ROBO2: variants seen among roughly 807,000 people sequenced by gnomAD.
ROBO2 encodes roundabout homolog 2.
A neutral mutation model predicts 160.8 loss-of-function variants in ROBO2; 53 were observed. The observed-to-expected ratio is 0.33, with a 90% CI of 0.26 to 0.41. ROBO2 has a LOEUF of 0.41. Ranked by LOEUF, ROBO2 falls within the 10% of genes least tolerant of loss-of-function variation. ROBO2 has a pLI of 1.00. For missense variants in ROBO2, 1,577 were observed against 1,722.4 expected (o/e 0.92, Z 1.49); for synonymous variants, 664 against 611.7 (o/e 1.09, Z -1.26).
chr3:76,884,696 A>G (rs1190985794), intron 2 of ROBO2, among the ~76,000 whole-genome samples: 1 of 152,196 alleles, frequency 6.6e-6, no homozygotes, highest in Non-Finnish European at 1.5e-5. Context: ...ATTTTATGTT[A>G]GTTTTCCCAA....
At chr3:76,888,325 G>T (rs527317226) in intron 2 of ROBO2, among the ~76,000 whole-genome samples, 2 of 152,220 alleles carry the variant, frequency 1.3e-5, no homozygotes, top group African/African-American at 4.8e-5. Context: ...CCGAAATCAC[G>T]GCCCTGCACT....
chr3:77,040,714 A>G, exon 1 of ROBO2: 1 of 1,609,614 alleles, frequency 6.2e-7, no homozygotes. Flanking sequence ...TCTTTTTTTG[A>G]TACTCATTTT....
At chr3:76,429,602 T>A (rs2076355711) in intron 2 of ROBO2, among the ~76,000 whole-genome samples, 1 of 152,186 alleles carries the variant, frequency 6.6e-6, no homozygotes, top group African/African-American at 2.4e-5. Flanking sequence ...CAGTAAATAT[T>A]AAAAGCAAAC....
chr3:77,583,155 A>G (rs1443659071), intron 16 of ROBO2, among the ~76,000 whole-genome samples: 1 of 149,700 alleles, frequency 6.7e-6, no homozygotes, highest in South Asian at 2.1e-4. Context: ...GTCTCTCCAA[A>G]AAAAAAAAAA....
chr3:76,390,040 G>C (rs1349438715), intron 2 of ROBO2, among the ~76,000 whole-genome samples: 1 of 152,060 alleles, frequency 6.6e-6, no homozygotes, highest in Non-Finnish European at 1.5e-5. Context: ...CCATTGGTCT[G>C]GAGCTTAGAA....
chr3:76,762,657 T>C (rs1381991061), intron 2 of ROBO2, among the ~76,000 whole-genome samples: 2 of 151,690 alleles, frequency 1.3e-5, no homozygotes, highest in East Asian at 2.0e-4. Flanking sequence ...CTTCACGTTC[T>C]GGTTTTACCT....
rs1001905405 is a variant in ROBO2 at position 76,004,812 on chromosome 3, G to T, written c.109+67210G>T. Among the ~76,000 whole-genome samples, 15 of 152,166 alleles carry T rather than the reference G, an allele frequency of 9.9e-5. 1 individual carries two copies. In the South Asian group the frequency reaches 1.9e-3, roughly 19 times the overall value. ...ATGAAATGTTTCCATTGAAGTGGTT[G>T]TTACACTACTGTAAACATTTGTCAA... is the stretch of plus-strand genomic sequence containing the variant. On this transcript the variant is annotated intron_variant, in intron 2 of 26. Transcript: ENST00000487694.
chr3:77,134,266 C>T (rs888983288), intron 2 of ROBO2, among the ~76,000 whole-genome samples: 2 of 152,082 alleles, frequency 1.3e-5, no homozygotes, highest in Admixed American at 1.3e-4. Flanking sequence ...TCTTTTTGGT[C>T]TTTTTCTCCA....
At position 77,336,441 on chromosome 3, in the gene ROBO2, T is replaced by C. The variant is rs554389588; in HGVS notation, c.389-140973T>C. On this transcript the variant is annotated intron_variant, in intron 2 of 25. Coordinates refer to ENST00000461745, the Ensembl canonical transcript of ROBO2. ...TCCTTATTTCATTTTTCTGTTCATC[T>C]TCCTTTTTTCTCCTCCTCCTTCTGC... Among the ~76,000 whole-genome samples, 4 of 152,260 alleles carry C rather than the reference T, an allele frequency of 2.6e-5. No homozygotes were observed. The East Asian group carries it at 5.8e-4, about 22-fold the overall frequency.
At chr3:76,606,469 T>C (rs2087666169) in intron 2 of ROBO2, among the ~76,000 whole-genome samples, 1 of 152,198 alleles carries the variant, frequency 6.6e-6, no homozygotes, top group African/African-American at 2.4e-5. Flanking sequence ...ATTGATATCA[T>C]CTTCAGCCTT....
exon 23 of ROBO2, chr3:77,622,258 C>T: frequency 1.2e-6 from 2 of 1,614,114 alleles, no homozygotes; most frequent in Non-Finnish European, 1.7e-6. Context: ...ACCTCCACAG[C>T]CTCCAGTTCC....
chr3:76,108,585 T>G (rs958550643), intron 2 of ROBO2, among the ~76,000 whole-genome samples: 7 of 151,802 alleles, frequency 4.6e-5, no homozygotes, highest in African/African-American at 1.7e-4. Context: ...CCATTAAAAG[T>G]GGGATGTAAG....
At chr3:77,005,097 G>T (rs975046286) in intron 2 of ROBO2, among the ~76,000 whole-genome samples, 2 of 152,124 alleles carry the variant, frequency 1.3e-5, no homozygotes, top group Admixed American at 1.3e-4. Flanking sequence ...GACACGCTTG[G>T]CAGGCTTTTC....
intron 2 of ROBO2, among the ~76,000 whole-genome samples, chr3:76,617,906 C>G (rs2109189334): frequency 6.6e-6 from 1 of 151,594 alleles, no homozygotes; most frequent in East Asian, 1.9e-4. Context: ...AAACCATCAC[C>G]CCATGATTCA....
chr3:76,959,259 C>T (rs2079487101), intron 2 of ROBO2, among the ~76,000 whole-genome samples: 2 of 152,110 alleles, frequency 1.3e-5, no homozygotes, highest in African/African-American at 4.8e-5. Flanking sequence ...AGTGAAGTTG[C>T]TTATAAAGGT....
At chr3:76,731,741 A>T (rs960398659) in intron 2 of ROBO2, among the ~76,000 whole-genome samples, 7 of 152,218 alleles carry the variant, frequency 4.6e-5, no homozygotes, top group Non-Finnish European at 8.8e-5. Context: ...ACTTTCTGGT[A>T]CTCATACAAT....
At chr3:76,952,518 G>A (rs1577779200) in intron 2 of ROBO2, among the ~76,000 whole-genome samples, 1 of 151,982 alleles carries the variant, frequency 6.6e-6, no homozygotes, top group Admixed American at 6.6e-5. Context: ...TCTTGACCTC[G>A]TGATCCGCCT....
intron 1 of ROBO2, among the ~76,000 whole-genome samples, chr3:77,043,956 A>G (rs1424858846): frequency 6.6e-6 from 1 of 152,122 alleles, no homozygotes; most frequent in Non-Finnish European, 1.5e-5. Context: ...ACATGTTGCT[A>G]AAGTGCTCTT....
At chr3:76,684,342 A>G (rs1181395546) in intron 2 of ROBO2, among the ~76,000 whole-genome samples, 3 of 152,132 alleles carry the variant, frequency 2.0e-5, no homozygotes, top group Non-Finnish European at 1.5e-5. Context: ...TGACAAGAAA[A>G]CAGTTTGACT....
Sources: allele counts gnomAD v4.1 joint callset (sites outside exome capture counted in the v4.1 genomes callset), GRCh38; gene constraint gnomAD v4.1.1; transcripts MANE v1.5; gene names NCBI Gene and HGNC (gene_info 2026-07-23, HGNC 2026-07-21).